NDUFAF2: variants seen among roughly 807,000 people sequenced by gnomAD.
NDUFAF2 encodes the protein NADH dehydrogenase [ubiquinone] 1 alpha subcomplex assembly factor 2.
A neutral mutation model predicts 22.8 loss-of-function variants in NDUFAF2; 13 were observed. The ratio of observed to expected loss-of-function variants is 0.57; its 90% CI spans 0.37 to 0.91. NDUFAF2 has a LOEUF of 0.91. Ranked by LOEUF, NDUFAF2 falls within the 40% of genes least tolerant of loss-of-function variation. The probability of loss-of-function intolerance (pLI) is 0.01; values close to 1 mark genes in which losing one functional copy is unlikely to be tolerated. For synonymous variants in NDUFAF2, 53 were observed against 64.2 expected (o/e 0.83, Z 0.84); for missense variants, 162 against 195.2 (o/e 0.83, Z 1.01).
intron 1 of NDUFAF2, among the ~76,000 whole-genome samples, chr5:60,990,304 T>C (rs1751141449): frequency 6.6e-6 from 1 of 152,182 alleles, no homozygotes; most frequent in South Asian, 2.1e-4. Context: ...CTGGATTGTT[T>C]ATAACACAAA....
intron 3 of NDUFAF2, among the ~76,000 whole-genome samples, chr5:61,141,634 C>T (rs985207748): frequency 2.6e-5 from 4 of 151,658 alleles, no homozygotes; most frequent in Non-Finnish European, 4.4e-5. Flanking sequence ...TATCCCTAGG[C>T]CCTTAAATTG....
chr5:61,024,863 C>T (rs1751629738), intron 1 of NDUFAF2, among the ~76,000 whole-genome samples: 1 of 151,998 alleles, frequency 6.6e-6, no homozygotes, highest in African/African-American at 2.4e-5. Flanking sequence ...TACTACATAT[C>T]AGCCTTGTTC....
intron 1 of NDUFAF2, among the ~76,000 whole-genome samples, chr5:61,069,333 G>A (rs1035919273): frequency 5.3e-5 from 8 of 152,112 alleles, no homozygotes; most frequent in Non-Finnish European, 1.2e-4. Context: ...AACACCATAT[G>A]TGTGGCTGGG....
chr5:61,029,251 T>G (rs1391270231), intron 1 of NDUFAF2, among the ~76,000 whole-genome samples: 2 of 152,080 alleles, frequency 1.3e-5, no homozygotes, highest in Non-Finnish European at 2.9e-5. Flanking sequence ...TCCACCTTTC[T>G]CTCAATTTGG....
At chr5:61,060,096 T>C (rs753815471) in intron 1 of NDUFAF2, among the ~76,000 whole-genome samples, 43 of 152,306 alleles carry the variant, frequency 2.8e-4, no homozygotes, top group Admixed American at 5.2e-4. Flanking sequence ...ATAAGTTAAC[T>C]ACCCTATACC....
At chr5:61,006,173 T>C (rs1197602500) in intron 1 of NDUFAF2, among the ~76,000 whole-genome samples, 1 of 152,216 alleles carries the variant, frequency 6.6e-6, no homozygotes, top group Non-Finnish European at 1.5e-5. Context: ...TAGCCAGTTT[T>C]CCCAGCACCA....
chr5:61,152,583 T>C, intron 3 of NDUFAF2, 121 bp from the exon 4 acceptor site: 2 of 659,342 alleles, frequency 3.0e-6, no homozygotes, highest in Non-Finnish European at 4.6e-6. Context: ...ATTATTTAAA[T>C]GCAAAGTATG....
chr5:60,961,898 T>C (rs1435621197), intron 1 of NDUFAF2, among the ~76,000 whole-genome samples: 1 of 151,836 alleles, frequency 6.6e-6, no homozygotes, highest in Non-Finnish European at 1.5e-5. Context: ...GAGTTTGAGG[T>C]TACAGTTAAC....
At chr5:61,115,284 AGGCCTAG>A (rs1193744190) in intron 3 of NDUFAF2, 2 of 152,300 alleles carry the variant, frequency 1.3e-5, no homozygotes, top group African/African-American at 4.8e-5. Flanking sequence ...GGATGCTGCC[AGGCCTAG>A]GACTCTCCCT....
intron 1 of NDUFAF2, among the ~76,000 whole-genome samples, chr5:61,045,960 A>G (rs1027154320): frequency 2.3e-4 from 35 of 152,156 alleles, no homozygotes; most frequent in Non-Finnish European, 5.9e-5. Context: ...CTTGTCATAT[A>G]TGGCCTTATT....
intron 1 of NDUFAF2, among the ~76,000 whole-genome samples, chr5:61,037,634 C>G (rs575656767): frequency 2.0e-5 from 3 of 152,130 alleles, no homozygotes; most frequent in Non-Finnish European, 4.4e-5. Flanking sequence ...AAAAATCTTG[C>G]TATAAAGAAA....
At chr5:61,068,865 G>T (rs533842755) in intron 1 of NDUFAF2, among the ~76,000 whole-genome samples, 2 of 152,054 alleles carry the variant, frequency 1.3e-5, no homozygotes, top group Non-Finnish European at 1.5e-5. Context: ...TGAAAGTCTG[G>T]CAACATATCT....
intron 2 of NDUFAF2, among the ~76,000 whole-genome samples, chr5:61,083,998 TA>T (rs1014432961): frequency 6.6e-6 from 1 of 151,738 alleles, no homozygotes; most frequent in East Asian, 1.9e-4. Context: ...ACCTCCACAA[TA>T]ATGATGAGTA....
At chr5:61,065,630 G>A (rs981681620) in intron 1 of NDUFAF2, among the ~76,000 whole-genome samples, 8 of 152,050 alleles carry the variant, frequency 5.3e-5, no homozygotes, top group Non-Finnish European at 8.8e-5. Flanking sequence ...AAAAGCTTTC[G>A]ACAAAGTGTG....
At chr5:61,117,186 T>G (rs1344012297) in intron 3 of NDUFAF2, among the ~76,000 whole-genome samples, 2 of 152,188 alleles carry the variant, frequency 1.3e-5, no homozygotes, top group African/African-American at 4.8e-5. Context: ...ATGGAGTGTT[T>G]AAGTGCAGAG....
intron 2 of NDUFAF2, among the ~76,000 whole-genome samples, chr5:61,091,095 C>CTGG (rs1752562348): frequency 6.6e-6 from 1 of 152,122 alleles, no homozygotes; most frequent in African/African-American, 2.4e-5. Context: ...CGCTGATGAA[C>CTGG]ATTCAGGTTG....
chr5:60,981,945 A>G (rs1010476249), intron 1 of NDUFAF2, among the ~76,000 whole-genome samples: 8 of 152,186 alleles, frequency 5.3e-5, no homozygotes, highest in African/African-American at 1.9e-4. Flanking sequence ...ATATACAAAA[A>G]TGAAATAAAA....
At chr5:61,026,365 C>G (rs1751650391) in intron 1 of NDUFAF2, among the ~76,000 whole-genome samples, 1 of 151,826 alleles carries the variant, frequency 6.6e-6, no homozygotes, top group Non-Finnish European at 1.5e-5. Flanking sequence ...ATATAGACAG[C>G]CAGAGGGAAG....
intron 1 of NDUFAF2, among the ~76,000 whole-genome samples, chr5:61,020,730 G>T (rs772832740): frequency 2.0e-5 from 3 of 151,820 alleles, no homozygotes; most frequent in Non-Finnish European, 4.4e-5. Context: ...CAACTCTGTC[G>T]CCCAAGCTGG....
Sources: gnomAD v4.1 joint callset for allele counts (sites outside exome capture counted in the v4.1 genomes callset) on GRCh38, gnomAD v4.1.1 for gene constraint, MANE v1.5 for transcripts, NCBI Gene and HGNC (gene_info 2026-07-23, HGNC 2026-07-21) for gene names.